Variants in EPHB6 observed in about 807,000 individuals in gnomAD.
EPHB6 encodes EPH receptor B6.
In EPHB6, 51 loss-of-function variants were observed where a neutral mutation model predicts 107.0. That is an observed-to-expected ratio of 0.48 (90% confidence interval 0.38 to 0.60). The LOEUF (loss-of-function observed/expected upper bound fraction) is 0.60, where lower values mean the gene tolerates loss of function less well. Among genes scored for constraint, EPHB6 ranks in the 20% least tolerant of loss-of-function variants. EPHB6 has a pLI of 0.00. For missense variants in EPHB6, 1,141 were observed against 1,355.5 expected (o/e 0.84, Z 2.48); for synonymous variants, 553 against 549.0 (o/e 1.01, Z -0.10).
Position 142,866,960 on chromosome 7 carries a change from G to C in EPHB6, c.1642G>C (p.Val548Leu). ...TLTSETNTAT[V>L]TQLSPGHIYG... The stretch of plus-strand genomic sequence containing the variant: ...GACCAGCGAGACCAACACTGCCACC[G>C]TGACACAGCTGAGCCCTGGCCACAT... Residue 548 changes from valine (V) to leucine (L), a missense_variant, in exon 11 of 20, where the codon GTG becomes CTG. By Grantham distance (32) the Val-to-Leu change is conservative (BLOSUM62 1). Transcript: ENST00000652003. This position sits in a 1 kb window ranked among gnomAD's most constrained non-coding sequence, Gnocchi z 5.2. The C allele has an allele frequency of 6.2e-7, 1 of 1,614,130 alleles. No homozygotes were observed. The highest frequency in any genetic ancestry group is 8.5e-7 in the Non-Finnish European group (1 of 1,180,032).
Position 142,868,530 on chromosome 7 carries a change from C to T in EPHB6, c.2077C>T (p.Arg693Trp), listed in dbSNP as rs745313567. The part of the protein sequence containing the change: ...GEVRQGRLQP[R>W]GRREQTVAIQ... ...AGTGCGCCAGGGCCGCCTGCAGCCA[C>T]GGGGACGGAGGGAGCAGACTGTGGC... The change falls in exon 15 of 20, where the codon CGG becomes TGG. Residue 693 changes from arginine to tryptophan, a missense_variant. Arg to Trp is a moderately radical substitution (Grantham distance 101). Coordinates refer to ENST00000652003, the MANE Select transcript of EPHB6 (RefSeq NM_004445.6). The surrounding 1 kb of genome is among the most constrained non-coding windows in gnomAD (Gnocchi z 4.2). The T allele has an allele frequency of 3.3e-5, 53 of 1,613,680 alleles. No individual in the cohort carries two copies. The highest frequency in any genetic ancestry group is 1.5e-4 in the South Asian group (14 of 91,094).
intron 4 of EPHB6, 102 bp downstream of exon 4, chr7:142,862,935 C>G: frequency 2.0e-6 from 1 of 488,042 alleles, no homozygotes; most frequent in East Asian, 3.4e-5. Context: ...CACGAACACT[C>G]CAAGATGGTC....
At position 142,868,786 on chromosome 7, in the gene EPHB6, G is replaced by A. The variant is rs772563376; in HGVS notation, c.2286+47G>A. ...GAGGAGGGTCCTTGGGTCCAGGAAA[G>A]CTTCCAGGAGACGAGGTCCTGTATC... is the stretch of plus-strand genomic sequence containing the variant. On this transcript the variant is annotated intron_variant, in intron 15 of 19. Coordinates refer to ENST00000652003, the MANE Select transcript of EPHB6 (RefSeq NM_004445.6). This position sits in a 1 kb window ranked among gnomAD's most constrained non-coding sequence, Gnocchi z 4.2. The A allele has an allele frequency of 6.2e-7, 1 of 1,613,448 alleles. No individual in the cohort carries two copies.
At position 142,867,462 on chromosome 7, in the gene EPHB6, T is replaced by C. The variant is rs1231869343; in HGVS notation, c.1751-146T>C. 2 of 718,578 alleles carry C rather than the reference T, an allele frequency of 2.8e-6. No homozygotes were observed. The highest frequency in any genetic ancestry group is 5.0e-6 in the Non-Finnish European group (2 of 401,062). 44.5% of individuals were successfully genotyped at this position (718,578 alleles called of 1,614,324 possible). A position where few individuals can be genotyped will look rare whatever the true frequency, so the allele number is the denominator to read the frequency against. On this transcript the variant is annotated intron_variant, in intron 11 of 19. Coordinates refer to ENST00000652003, the MANE Select transcript of EPHB6 (RefSeq NM_004445.6). The surrounding 1 kb of genome is among the most constrained non-coding windows in gnomAD (Gnocchi z 5.3). ...GAGGGCTGTGGGCGTGTGTGTGTGT[T>C]GTGTGTCCCTGTGCATGGATGTGGG...
At chr7:142,858,785 T>G (rs1802723141) in intron 1 of EPHB6, among the ~76,000 whole-genome samples, 1 of 152,140 alleles carries the variant, frequency 6.6e-6, no homozygotes, top group Non-Finnish European at 1.5e-5. Flanking sequence ...ATCTTTACTT[T>G]TTGCCAGTTT....
chr7:142,866,236 T>G lies in EPHB6; in HGVS notation c.1382T>G (p.Val461Gly), dbSNP rs1319165921. 6.2e-7 allele frequency: 1 copy of G among 1,613,814 alleles called. No individual in the cohort carries two copies. The highest frequency in any genetic ancestry group is 2.2e-5 in the East Asian group (1 of 44,870). Residue 461 changes from valine to glycine, a missense_variant, in exon 9 of 20, where the codon GTG becomes GGG. Physicochemically the swap from Val to Gly is moderately radical, Grantham distance 109. This residue lies in a region of EPHB6 where 616 missense variants were observed against 759.3 expected (regional missense o/e 0.81). Transcript: ENST00000652003. This position sits in a 1 kb window ranked among gnomAD's most constrained non-coding sequence, Gnocchi z 5.2. Reference protein sequence around the residue: ...LRAHVPYILEVQAVNGVSELS... With the variant: ...LRAHVPYILEGQAVNGVSELS... ...GCACACGTACCCTACATCTTAGAGG[T>G]GCAGGCTGTTAATGGGGTGTCTGAG...
Position 142,863,255 on chromosome 7 carries a change from G to C in EPHB6, c.28G>C (p.Gly10Arg). Reference sequence around the variant, plus strand: ...GGCTACTGAAGGGGCTGCCCAGTTAGGGAACAGAGTGGCGGGCATGGTGTG... The same window carrying C: ...GGCTACTGAAGGGGCTGCCCAGTTACGGAACAGAGTGGCGGGCATGGTGTG... MATEGAAQL[G>R]NRVAGMVCSL... The change falls in exon 5 of 20, where the codon GGG (glycine) becomes CGG (arginine). Residue 10 changes from glycine to arginine, a missense_variant. This residue lies in a region of EPHB6 where 221 missense variants were observed against 300.5 expected (regional missense o/e 0.74). Transcript: ENST00000652003. 6.2e-7 allele frequency: 1 copy of C among 1,614,040 alleles called. No individual in the cohort carries two copies. The highest frequency in any genetic ancestry group is 8.5e-7 in the Non-Finnish European group (1 of 1,179,974).
rs557512288 is a variant in EPHB6, at chr7:142,870,698, T to C, written c.2960+13T>C. On this transcript the variant is annotated intron_variant, in intron 19 of 19. Transcript: ENST00000652003. ...AGCTCAGCCTAGAGTAAGCAGGGAG[T>C]GGTGGGGTGGGGGCGAATGCTCCAG... 37 of 1,613,746 alleles carry C rather than the reference T, an allele frequency of 2.3e-5. No individual in the cohort carries two copies. The African/African-American group carries it at 4.7e-4, about 20-fold the overall frequency.
chr7:142,865,845 G>A, intron 8 of EPHB6, 115 bp from the exon 9 acceptor site: 9 of 942,952 alleles, frequency 9.5e-6, no homozygotes, highest in East Asian at 5.5e-5. Flanking sequence ...CCCACCCCAC[G>A]CTCTTCTGTC....
rs958011230 is a variant in EPHB6, at chr7:142,858,423, C to CTTTT, written c.-431-2602_-431-2599dup. Among the ~76,000 whole-genome samples, 108 of 57,626 alleles carry CTTTT rather than the reference C, an allele frequency of 1.9e-3. 6 individuals are homozygous for CTTTT. Among genetic ancestry groups the CTTTT allele is most frequent in the African/African-American group, 3.0e-3 (40 of 13,306 alleles). The allele number at this position is 57,626 out of a possible 152,430, so 37.8% of individuals were successfully genotyped here. A position where few individuals can be genotyped will look rare whatever the true frequency, so the allele number is the denominator to read the frequency against. On this transcript the variant is annotated intron_variant, in intron 1 of 19. Coordinates refer to ENST00000652003, the MANE Select transcript of EPHB6 (RefSeq NM_004445.6). ...CAATTTAATTTACTTTTAAGTCATT[C>CTTTT]TTTTTTTTTTTTTTTTTTTTTTTTT...
chr7:142,863,610 G>A (rs374942519), intron 5 of EPHB6, 21 bp from the exon 6 acceptor site: 1 of 1,613,070 alleles, frequency 6.2e-7, no homozygotes, highest in Non-Finnish European at 8.5e-7. Context: ...GCCACTGTGT[G>A]CCCCTCTTAT....
intron 1 of EPHB6, among the ~76,000 whole-genome samples, chr7:142,857,443 G>C (rs751186816): frequency 8.5e-5 from 13 of 152,202 alleles, no homozygotes; most frequent in Non-Finnish European, 1.6e-4. Flanking sequence ...AAGGATAGAG[G>C]CTTTGGCATT....
Position 142,866,826 on chromosome 7 carries a change from G to C in EPHB6, c.1588-80G>C, listed in dbSNP as rs1261660540. On this transcript the variant is annotated intron_variant, in intron 10 of 19. Transcript: ENST00000652003. The surrounding 1 kb of genome is among the most constrained non-coding windows in gnomAD (Gnocchi z 5.2). Reference sequence around the variant, plus strand: ...ATGTGTCTGAGAGCCCTGTCAACCAGGGAGGGTGGCTGGGGGCCTTAGGGG... The same window carrying C: ...ATGTGTCTGAGAGCCCTGTCAACCACGGAGGGTGGCTGGGGGCCTTAGGGG... The C allele has an allele frequency of 3.7e-6, 6 of 1,610,646 alleles. No homozygotes were observed. The highest frequency in any genetic ancestry group is 1.1e-5 in the South Asian group (1 of 90,972).
intron 2 of EPHB6, among the ~76,000 whole-genome samples, chr7:142,861,485 C>T (rs1248906448): frequency 6.6e-6 from 1 of 152,084 alleles, no homozygotes; most frequent in Non-Finnish European, 1.5e-5. Flanking sequence ...GGTCTCAGTC[C>T]ACTTCCTTTG....
rs1245244109 is a variant in EPHB6, at chr7:142,863,995, G to A, written c.195G>A (p.Gln65=). 4 of 1,614,100 alleles carry A rather than the reference G, an allele frequency of 2.5e-6. No homozygotes were observed. Among genetic ancestry groups the A allele is most frequent in the Non-Finnish European group, 3.4e-6 (4 of 1,180,044 alleles). Reference sequence around the variant, plus strand: ...ACGAGGTGAGTGTTCTGGACGACCAGCGACGCCTGACTCGGACCTTTGAGG... The same window carrying A: ...ACGAGGTGAGTGTTCTGGACGACCAACGACGCCTGACTCGGACCTTTGAGG... ...GWDEVSVLDD[Q]RRLTRTFEAC... The change falls in exon 7 of 20, where the codon CAG becomes CAA. Residue 65 remains glutamine (Q), a synonymous_variant. Coordinates refer to ENST00000652003, the MANE Select transcript of EPHB6 (RefSeq NM_004445.6).
At position 142,870,848 on chromosome 7, in the gene EPHB6, C is replaced by T. The variant is rs1222658014; in HGVS notation, c.3013C>T (p.His1005Tyr). Residue 1005 changes from histidine (H) to tyrosine (Y), a missense_variant, in exon 20 of 20, where the codon CAC (histidine) becomes TAC (tyrosine). This residue lies in a region of EPHB6 where 616 missense variants were observed against 759.3 expected (regional missense o/e 0.81). Coordinates refer to ENST00000652003, the MANE Select transcript of EPHB6 (RefSeq NM_004445.6). ...GGCTGGCCACCAGAAGAAGCTGCTG[C>T]ACCACATCCAGCTCCTTCAGCAACA... ...TLAGHQKKLL[H>Y]HIQLLQQHLR... 12 of 1,614,028 alleles carry T rather than the reference C, an allele frequency of 7.4e-6. No individual in the cohort carries two copies. The highest frequency in any genetic ancestry group is 2.7e-5 in the African/African-American group (2 of 74,938).
chr7:142,870,317 G>C lies in EPHB6; in HGVS notation c.2714G>C (p.Arg905Pro). The C allele has an allele frequency of 1.2e-6, 2 of 1,614,152 alleles. No homozygotes were observed. The highest frequency in any genetic ancestry group is 1.7e-6 in the Non-Finnish European group (2 of 1,180,022). ...GACACTTGGCAGAAGGACCGTGCCC[G>C]GCGGCCTCATTTTGACCAGCTGGTG... ...MLDTWQKDRA[R>P]RPHFDQLVAA... The change falls in exon 18 of 20, where the codon CGG (arginine) becomes CCG (proline). Residue 905 changes from arginine to proline, a missense_variant. Physicochemically the swap from Arg to Pro is moderately radical, Grantham distance 103. This residue lies in a region of EPHB6 where 616 missense variants were observed against 759.3 expected (regional missense o/e 0.81). Transcript: ENST00000652003.
At position 142,867,373 on chromosome 7, in the gene EPHB6, T is replaced by C; in HGVS notation, c.1751-235T>C. The stretch of plus-strand genomic sequence containing the variant: ...CGTGTGTGTGTGTTGTGTGTCCCTG[T>C]GTGTGGATGTGGAGGGCTGTGGGGA... On this transcript the variant is annotated intron_variant, in intron 11 of 19. Coordinates refer to ENST00000652003, the MANE Select transcript of EPHB6 (RefSeq NM_004445.6). The surrounding 1 kb of genome is among the most constrained non-coding windows in gnomAD (Gnocchi z 5.3). 1.6e-6 allele frequency: 1 copy of C among 631,564 alleles called. No individual in the cohort carries two copies. The highest frequency in any genetic ancestry group is 2.2e-5 in the Admixed American group (1 of 44,786). 39.1% of individuals were successfully genotyped at this position (631,564 alleles called of 1,614,324 possible).
rs184491739 is a variant in EPHB6, at chr7:142,855,157, C to G, written c.-660C>G. On this transcript the variant is annotated 5_prime_UTR_variant, in exon 1 of 20. Transcript: ENST00000652003. This position sits in a 1 kb window ranked among gnomAD's most constrained non-coding sequence, Gnocchi z 4.2. The stretch of plus-strand genomic sequence containing the variant: ...CAGCTTGGCGACGGCGATCTCGACG[C>G]GGGCCCCCAGGATCTCCCGGCGCCC... 1 of 151,964 alleles carries G rather than the reference C, an allele frequency of 6.6e-6. No individual in the cohort carries two copies. The highest frequency in any genetic ancestry group is 6.5e-5 in the Admixed American group (1 of 15,276). 9.4% of individuals were successfully genotyped at this position (151,964 alleles called of 1,614,324 possible).
Sources: gnomAD v4.1 joint callset for allele counts (sites outside exome capture counted in the v4.1 genomes callset) on GRCh38, gnomAD v4.1.1 for gene constraint, gnomAD v4.1.1 regional missense constraint, Gnocchi (gnomAD v3.1) non-coding constraint, MANE v1.5 for transcripts, NCBI Gene and HGNC (gene_info 2026-07-23, HGNC 2026-07-21) for gene names.